KIF13A: variants seen among roughly 807,000 people sequenced by gnomAD.
The protein encoded by KIF13A is kinesin-like protein KIF13A.
In KIF13A, 79 loss-of-function variants were observed where a neutral mutation model predicts 212.2. The observed-to-expected ratio is 0.37, with a 90% CI of 0.31 to 0.45. The LOEUF is 0.45. KIF13A is among the 20% of genes least tolerant of loss of function. The pLI is 1.00. For synonymous variants in KIF13A, 789 were observed against 808.6 expected, an observed-to-expected ratio of 0.98 and a Z score of 0.41; for missense variants, 1,901 against 2,209.0, an observed-to-expected ratio of 0.86 and a Z score of 2.79.
chr6:17,959,914 T>C (rs1778668336), intron 2 of KIF13A, among the ~76,000 whole-genome samples: 2 of 151,978 alleles, frequency 1.3e-5, no homozygotes, highest in Admixed American at 1.3e-4. Context: ...TACCAGCTAC[T>C]TGGGAGCTGA....
At chr6:17,913,208 G>T (rs1236638177) in intron 2 of KIF13A, among the ~76,000 whole-genome samples, 1 of 108,412 alleles carries the variant, frequency 9.2e-6, no homozygotes, top group East Asian at 2.9e-4. Context: ...GGGCAGGCAG[G>T]ACGGGATTAC....
intron 16 of KIF13A, among the ~76,000 whole-genome samples, chr6:17,821,348 T>C (rs1764416338): frequency 6.6e-6 from 1 of 152,222 alleles, no homozygotes; most frequent in Non-Finnish European, 1.5e-5. Context: ...AAAAATACAT[T>C]AATCTTACCT....
intron 2 of KIF13A, 93 bp downstream of exon 2, chr6:17,986,958 TAAC>T (rs1781619030): frequency 6.9e-6 from 6 of 863,404 alleles, no homozygotes; most frequent in Non-Finnish European, 1.2e-5. Flanking sequence ...GCCGTCCTCC[TAAC>T]AATAGGAAAG....
rs1779765886 is a variant in KIF13A, at chr6:17,971,049, G to A, written c.146+16005C>T. 6.6e-6 allele frequency among the ~76,000 whole-genome samples: 1 copy of A among 152,128 alleles called. No homozygotes were observed. The highest frequency in any genetic ancestry group is 2.1e-4 in the South Asian group (1 of 4,828). On this transcript the variant is annotated intron_variant, in intron 2 of 38. Coordinates refer to ENST00000259711, the MANE Select transcript of KIF13A (RefSeq NM_022113.6). This position sits in a 1 kb window ranked among gnomAD's most constrained non-coding sequence, Gnocchi z 4.2. ...CAATACATCAAAATACAAAAACAAA[G>A]ATGTAGGCTACCACTCAAAAAATTC...
chr6:17,985,571 C>T (rs1486789585), intron 2 of KIF13A, among the ~76,000 whole-genome samples: 2 of 141,920 alleles, frequency 1.4e-5, no homozygotes, highest in African/African-American at 5.3e-5. Context: ...TACCTGTTCC[C>T]CCAGACTGCT....
At chr6:17,933,432 C>G (rs1776185185) in intron 2 of KIF13A, among the ~76,000 whole-genome samples, 1 of 120,884 alleles carries the variant, frequency 8.3e-6, no homozygotes, top group African/African-American at 3.0e-5. Flanking sequence ...TTTGTAGAGA[C>G]AAGGTCTCAC....
chr6:17,879,035 GA>G (rs1384893434), intron 3 of KIF13A, among the ~76,000 whole-genome samples: 4 of 152,208 alleles, frequency 2.6e-5, no homozygotes, highest in African/African-American at 7.2e-5. Context: ...GAAGAAAGCT[GA>G]AGTCCAGAAA....
At chr6:17,975,266 T>C (rs112120095) in intron 2 of KIF13A, among the ~76,000 whole-genome samples, 1,759 of 152,236 alleles carry the variant, frequency 0.012, 27 homozygotes, top group African/African-American at 0.04. Context: ...GGCAGGAGAA[T>C]TGTTTGAATC....
chr6:17,885,225 ACTGCTTTTCTAAAAGCAGCT>A (rs1368993295), intron 3 of KIF13A, among the ~76,000 whole-genome samples: 2 of 152,156 alleles, frequency 1.3e-5, no homozygotes, highest in Non-Finnish European at 2.9e-5. Flanking sequence ...TGCCTTCACT[ACTGCTTTTCTAAAAGCAGCT>A]CTGCCAGGAG....
chr6:17,924,810 T>A (rs1229946924), intron 2 of KIF13A, among the ~76,000 whole-genome samples: 1 of 152,188 alleles, frequency 6.6e-6, no homozygotes, highest in Non-Finnish European at 1.5e-5. Context: ...GATAATTATT[T>A]TTACATTCCA....
chr6:17,838,320 CA>C lies in KIF13A; in HGVS notation c.831-738del, dbSNP rs376475593. Reference sequence around the variant, plus strand: ...TGGGCGACAGAGCAAGACTCCATCTCAAAAAAAAAAAAAAGTTAAATGCTAC... The same window carrying C: ...TGGGCGACAGAGCAAGACTCCATCTCAAAAAAAAAAAAAGTTAAATGCTAC... On this transcript the variant is annotated intron_variant, in intron 9 of 38. Coordinates refer to ENST00000259711, the MANE Select transcript of KIF13A (RefSeq NM_022113.6). The surrounding 1 kb of genome is among the most constrained non-coding windows in gnomAD (Gnocchi z 4.2). 0.074 allele frequency among the ~76,000 whole-genome samples: 9,478 copies of C among 127,734 alleles called. 354 individuals are homozygous for C. The highest frequency in any genetic ancestry group is 0.11 in the Middle Eastern group (26 of 246). 83.8% of individuals were successfully genotyped at this position (127,734 alleles called of 152,430 possible). A position where few individuals can be genotyped will look rare whatever the true frequency, so the allele number is the denominator to read the frequency against.
chr6:17,867,091 G>A (rs1449205439), intron 4 of KIF13A, among the ~76,000 whole-genome samples: 1 of 151,950 alleles, frequency 6.6e-6, no homozygotes, highest in African/African-American at 2.4e-5. Context: ...CACCAGCTGA[G>A]TTATGCTTGT....
At chr6:17,779,537 G>T (rs908181617) in intron 32 of KIF13A, 55 bp downstream of exon 32, 5 of 769,008 alleles carry the variant, frequency 6.5e-6, no homozygotes, top group South Asian at 4.4e-5. Context: ...CTCTCAAAGT[G>T]CTGGGATTAC....
intron 18 of KIF13A, among the ~76,000 whole-genome samples, chr6:17,805,922 ATT>A (rs58290591): frequency 7.2e-6 from 1 of 139,320 alleles, no homozygotes. Context: ...CATAAGCACG[ATT>A]TTTTTTTTTT....
intron 25 of KIF13A, among the ~76,000 whole-genome samples, chr6:17,790,733 C>T (rs1468622559): frequency 2.0e-5 from 3 of 152,178 alleles, no homozygotes; most frequent in African/African-American, 7.2e-5. Context: ...CTGATGCAAT[C>T]ATCCCAGGGG....
At chr6:17,836,799 T>G in intron 11 of KIF13A, 79 bp downstream of exon 11, 1 of 1,261,646 alleles carries the variant, frequency 7.9e-7, no homozygotes, top group Non-Finnish European at 1.1e-6. Context: ...GACCTACAAT[T>G]GCAAATGAGC....
chr6:17,894,333 A>G (rs185842084), intron 3 of KIF13A, among the ~76,000 whole-genome samples: 40 of 150,422 alleles, frequency 2.7e-4, no homozygotes, highest in Admixed American at 1.2e-3. Context: ...AGGTCTTGCT[A>G]TATTGCTCAA....
At chr6:17,924,866 G>A (rs1775362183) in intron 2 of KIF13A, among the ~76,000 whole-genome samples, 2 of 152,298 alleles carry the variant, frequency 1.3e-5, no homozygotes, top group African/African-American at 4.8e-5. Flanking sequence ...GGTATGAAAT[G>A]AAAACTTAGC....
At position 17,785,344 on chromosome 6, in the gene KIF13A, G is replaced by T. The variant is rs1264421439; in HGVS notation, c.3488+171C>A. Among the ~76,000 whole-genome samples, 1 of 152,154 alleles carries T rather than the reference G, an allele frequency of 6.6e-6. No homozygotes were observed. Among genetic ancestry groups the T allele is most frequent in the Non-Finnish European group, 1.5e-5 (1 of 68,034 alleles). On this transcript the variant is annotated intron_variant, in intron 28 of 38. Transcript: ENST00000259711. This position sits in a 1 kb window ranked among gnomAD's most constrained non-coding sequence, Gnocchi z 5.8. ...CTTCCTGTGGGAGAAAGTTGGCTTC[G>T]GTGGGGAAGGAAAAAAAGGGATGGA...
Sources: allele counts gnomAD v4.1 joint callset (sites outside exome capture counted in the v4.1 genomes callset), GRCh38; gene constraint gnomAD v4.1.1; non-coding constraint Gnocchi (gnomAD v3.1); transcripts MANE v1.5; gene names NCBI Gene and HGNC (gene_info 2026-07-23, HGNC 2026-07-21).